Variants in TLE4 observed in about 807,000 individuals in gnomAD.
TLE4 encodes TLE family member 4, transcriptional corepressor.
TLE4 carries 8 observed loss-of-function variants against 92.8 expected under a neutral mutation model. That is an observed-to-expected ratio of 0.09 (90% CI 0.05 to 0.16). The LOEUF is 0.16. Among genes scored for constraint, TLE4 ranks in the 10% least tolerant of loss-of-function variants. TLE4 has a pLI of 1.00. For synonymous variants in TLE4, 371 were observed against 374.1 expected (o/e 0.99, Z 0.10); for missense variants, 675 against 997.6 (o/e 0.68, Z 4.36).
At chr9:79,626,661 T>C (rs1039104334) in intron 5 of TLE4, among the ~76,000 whole-genome samples, 3 of 152,238 alleles carry the variant, frequency 2.0e-5, no homozygotes, top group African/African-American at 7.2e-5. Flanking sequence ...TTCTTACTTA[T>C]TCTCACTGGA....
intron 4 of TLE4, chr9:79,580,161 G>T (rs751050279): frequency 1.3e-5 from 2 of 152,160 alleles, no homozygotes; most frequent in Non-Finnish European, 2.9e-5. Flanking sequence ...GCAGCGAGAC[G>T]GGCCCTCAGC....
chr9:79,628,278 A>G (rs942410504), intron 6 of TLE4, among the ~76,000 whole-genome samples: 1 of 151,708 alleles, frequency 6.6e-6, no homozygotes, highest in Non-Finnish European at 1.5e-5. Flanking sequence ...CCCCTCCCAA[A>G]TACTTTCTTT....
At chr9:79,709,490 C>A in intron 13 of TLE4, 133 bp from the exon 14 acceptor site, 1 of 665,522 alleles carries the variant, frequency 1.5e-6, no homozygotes, top group Non-Finnish European at 2.5e-6. Context: ...CCAATAAATA[C>A]TTCTGTATAT....
chr9:79,626,998 T>C (rs898865209), intron 5 of TLE4, among the ~76,000 whole-genome samples: 4 of 152,200 alleles, frequency 2.6e-5, no homozygotes, highest in Admixed American at 1.3e-4. Flanking sequence ...TTAATGTAGA[T>C]AGCAAAGAGA....
At chr9:79,592,210 T>C (rs199943257) in intron 4 of TLE4, among the ~76,000 whole-genome samples, 1,841 of 129,144 alleles carry the variant, frequency 0.014, 26 homozygotes, top group African/African-American at 0.038. Context: ...CTTCTTCTTC[T>C]TCTTCCTCTT....
At chr9:79,676,944 C>G (rs989099446) in intron 8 of TLE4, among the ~76,000 whole-genome samples, 9 of 152,086 alleles carry the variant, frequency 5.9e-5, no homozygotes, top group African/African-American at 1.9e-4. Context: ...TAATTTCTTT[C>G]ATGTGTTTGA....
intron 7 of TLE4, among the ~76,000 whole-genome samples, chr9:79,653,806 A>G (rs1258403699): frequency 6.6e-6 from 1 of 152,246 alleles, no homozygotes; most frequent in East Asian, 1.9e-4. Context: ...GAAAAAGTCT[A>G]TAAGGAGCAC....
intron 8 of TLE4, among the ~76,000 whole-genome samples, chr9:79,654,580 A>T (rs909815057): frequency 3.3e-5 from 5 of 151,116 alleles, no homozygotes; most frequent in Non-Finnish European, 7.4e-5. Flanking sequence ...TCAAATTAAC[A>T]TTTTGGTATC....
chr9:79,581,744 A>G (rs1296791188), intron 4 of TLE4, among the ~76,000 whole-genome samples: 2 of 152,162 alleles, frequency 1.3e-5, no homozygotes, highest in Non-Finnish European at 2.9e-5. Context: ...CTCCTGGGAG[A>G]TGGGTTTGCT....
chr9:79,650,685 A>G (rs1268016029), intron 6 of TLE4, among the ~76,000 whole-genome samples: 2 of 152,160 alleles, frequency 1.3e-5, no homozygotes, highest in Non-Finnish European at 2.9e-5. Flanking sequence ...AAAACTACCC[A>G]GTTAAGAAAA....
rs1191706320 is a variant in TLE4 at position 79,596,178 on chromosome 9, C to T, written c.253-16478C>T. 2.0e-5 allele frequency among the ~76,000 whole-genome samples: 3 copies of T among 152,192 alleles called. No individual in the cohort carries two copies. The South Asian group carries it at 6.2e-4, about 32-fold the overall frequency. Reference sequence around the variant, plus strand: ...ATCTACTTAATCGAAGAGAACATACCTCTGTAAGTCACAAAGAATTTTTAT... The same window carrying T: ...ATCTACTTAATCGAAGAGAACATACTTCTGTAAGTCACAAAGAATTTTTAT... On this transcript the variant is annotated intron_variant, in intron 4 of 19. Coordinates refer to ENST00000376552, the MANE Select transcript of TLE4 (RefSeq NM_007005.6).
intron 19 of TLE4, among the ~76,000 whole-genome samples, chr9:79,723,403 T>G (rs545611783): frequency 3.9e-5 from 6 of 152,358 alleles, no homozygotes; most frequent in Non-Finnish European, 7.3e-5. Flanking sequence ...TTGTTAGTAG[T>G]AGTAGTTTTT....
intron 8 of TLE4, among the ~76,000 whole-genome samples, chr9:79,655,191 T>C (rs2059606269): frequency 6.6e-6 from 1 of 152,194 alleles, no homozygotes; most frequent in Admixed American, 6.5e-5. Context: ...ACCATTGTAT[T>C]ATGCGTAATT....
At chr9:79,721,005 G>A (rs1282756795) in intron 16 of TLE4, among the ~76,000 whole-genome samples, 2 of 152,184 alleles carry the variant, frequency 1.3e-5, no homozygotes, top group Non-Finnish European at 2.9e-5. Flanking sequence ...ATCAGCTACA[G>A]GTATGAAAAG....
chr9:79,667,351 G>A (rs1174834986), intron 8 of TLE4, among the ~76,000 whole-genome samples: 1 of 152,178 alleles, frequency 6.6e-6, no homozygotes, highest in Non-Finnish European at 1.5e-5. Flanking sequence ...TTCTCGCCAG[G>A]CTGCTTGGTT....
intron 14 of TLE4, among the ~76,000 whole-genome samples, chr9:79,713,869 GT>G (rs2073925581): frequency 6.6e-6 from 1 of 151,904 alleles, no homozygotes; most frequent in Non-Finnish European, 1.5e-5. Context: ...TGTTGTTGTT[GT>G]TGTTGTTGTT....
chr9:79,678,531 A>C (rs1388251155), intron 8 of TLE4, among the ~76,000 whole-genome samples: 1 of 152,084 alleles, frequency 6.6e-6, no homozygotes, highest in Admixed American at 6.6e-5. Flanking sequence ...AACAATACAC[A>C]GTCAGTAATT....
At chr9:79,714,504 A>G (rs746200264) in intron 14 of TLE4, among the ~76,000 whole-genome samples, 7 of 152,290 alleles carry the variant, frequency 4.6e-5, no homozygotes, top group Admixed American at 1.3e-4. Flanking sequence ...GCTCTCTGCT[A>G]TTCTTGCTAT....
chr9:79,708,221 C>A lies in TLE4; in HGVS notation c.1040C>A (p.Pro347His), dbSNP rs779186275. Residue 347 changes from proline to histidine, a missense_variant, in exon 12 of 20, where the codon CCT (proline) becomes CAT (histidine). By Grantham distance (77) the Pro-to-His change is moderately conservative. Coordinates refer to ENST00000376552, the MANE Select transcript of TLE4 (RefSeq NM_007005.6). ...TCTACTCCCGGATTGAGGCCTGTAC[C>A]TGGAAAACCACCAGGAGTTGACCCT... Reference protein sequence around the residue: ...SNSTPGLRPVPGKPPGVDPLA... With the variant: ...SNSTPGLRPVHGKPPGVDPLA... 1.2e-6 allele frequency: 2 copies of A among 1,614,198 alleles called. No individual in the cohort carries two copies. The highest frequency in any genetic ancestry group is 1.7e-6 in the Non-Finnish European group (2 of 1,180,036).
Sources: gnomAD v4.1 joint callset for allele counts (sites outside exome capture counted in the v4.1 genomes callset) on GRCh38, gnomAD v4.1.1 for gene constraint, MANE v1.5 for transcripts, NCBI Gene and HGNC (gene_info 2026-07-23, HGNC 2026-07-21) for gene names.